HLCS: variants seen among roughly 807,000 people sequenced by gnomAD.
The protein encoded by HLCS is biotin--protein ligase.
Under a neutral mutation model 75.0 loss-of-function variants are expected in HLCS, and 53 were observed. The observed-to-expected ratio is 0.71, with a 90% CI of 0.57 to 0.89. HLCS has a LOEUF of 0.89. HLCS is among the 40% of genes least tolerant of loss of function. The pLI is 0.00. For synonymous variants in HLCS, 431 were observed against 428.6 expected (o/e 1.01, Z -0.07); for missense variants, 966 against 1,074.0 (o/e 0.90, Z 1.41).
At position 36,966,484 on chromosome 21, in the gene HLCS, A is replaced by T. The variant is rs2068591907; in HGVS notation, c.155T>A (p.Leu52Gln). ...AAQPPGARVC[L>Q]SRGGRVFCVS... ...GCAGAAGACGCGGCCGCCACGGCTCAGGCACACGCGGGCGCCCGGGGGCTG... is the reference window on the plus strand; with the variant it reads ...GCAGAAGACGCGGCCGCCACGGCTCTGGCACACGCGGGCGCCCGGGGGCTG... The change falls in exon 1 of 11, where the codon CTG becomes CAG. Residue 52 changes from leucine to glutamine, a missense_variant. Physicochemically the swap from Leu to Gln is moderately radical, Grantham distance 113. Transcript: ENST00000674895. 1 of 959,502 alleles carries T rather than the reference A, an allele frequency of 1.0e-6. No individual in the cohort carries two copies. Among genetic ancestry groups the T allele is most frequent in the Non-Finnish European group, 1.2e-6 (1 of 826,120 alleles). The allele number at this position is 959,502 out of a possible 1,614,324, so 59.4% of individuals were successfully genotyped here. A position where few individuals can be genotyped will look rare whatever the true frequency, so the allele number is the denominator to read the frequency against.
chr21:36,875,707 A>G (rs2063943996), intron 6 of HLCS, among the ~76,000 whole-genome samples: 1 of 152,072 alleles, frequency 6.6e-6, no homozygotes, highest in Admixed American at 6.6e-5. Context: ...TCGCCCTCCA[A>G]TTGTCCACAT....
chr21:36,837,896 T>A (rs1005522328), intron 6 of HLCS, among the ~76,000 whole-genome samples: 2 of 152,152 alleles, frequency 1.3e-5, no homozygotes, highest in Non-Finnish European at 2.9e-5. Flanking sequence ...AAAATACACA[T>A]TGAAAACAAA....
intron 6 of HLCS, among the ~76,000 whole-genome samples, chr21:36,775,079 A>G (rs1234982069): frequency 6.6e-6 from 1 of 152,214 alleles, no homozygotes; most frequent in East Asian, 1.9e-4. Flanking sequence ...GAGCAGAGCC[A>G]TCACAATCCT....
intron 6 of HLCS, among the ~76,000 whole-genome samples, chr21:36,819,260 C>T (rs1012139364): frequency 1.3e-5 from 2 of 152,186 alleles, no homozygotes; most frequent in African/African-American, 4.8e-5. Flanking sequence ...AGTTGATCCT[C>T]AGTGCTAAAC....
rs1569149769 is a variant in HLCS at position 36,888,471 on chromosome 21, TA to T, written c.1892+8388del. Among the ~76,000 whole-genome samples the T allele has an allele frequency of 2.4e-3, 271 of 112,118 alleles. 17 individuals are homozygous for T. The highest frequency in any genetic ancestry group is 4.5e-3 in the African/African-American group (122 of 27,092). 73.6% of individuals were successfully genotyped at this position (112,118 alleles called of 152,430 possible). ...ATATATATATATATATATATATATATATATATATATATATATATATATATAT... is the reference window on the plus strand; with the variant it reads ...ATATATATATATATATATATATATATTATATATATATATATATATATATAT... On this transcript the variant is annotated intron_variant, in intron 6 of 10. Transcript: ENST00000674895.
intron 4 of HLCS, among the ~76,000 whole-genome samples, chr21:36,936,014 CA>C (rs1347599842): frequency 1.4e-4 from 21 of 152,304 alleles, no homozygotes; most frequent in African/African-American, 5.1e-4. Context: ...TATTTCATCG[CA>C]GTGGTCACTG....
chr21:36,904,282 C>T (rs576583502), intron 5 of HLCS, among the ~76,000 whole-genome samples: 13 of 152,128 alleles, frequency 8.5e-5, no homozygotes, highest in Non-Finnish European at 1.3e-4. Context: ...AAGTTGAGAG[C>T]CATATTCTCA....
At chr21:36,805,657 C>T (rs1601329330) in intron 6 of HLCS, among the ~76,000 whole-genome samples, 1 of 152,110 alleles carries the variant, frequency 6.6e-6, no homozygotes, top group Non-Finnish European at 1.5e-5. Flanking sequence ...ATAAGAATGC[C>T]GCTGACTGCC....
intron 1 of HLCS, among the ~76,000 whole-genome samples, chr21:36,989,216 G>A (rs2069290305): frequency 6.6e-6 from 1 of 150,388 alleles, no homozygotes; most frequent in African/African-American, 2.4e-5. Context: ...CGCCATGTTG[G>A]CCAGGCTGGT....
intron 3 of HLCS, among the ~76,000 whole-genome samples, chr21:36,937,616 A>G (rs1393930409): frequency 6.6e-6 from 1 of 152,180 alleles, no homozygotes; most frequent in Non-Finnish European, 1.5e-5. Flanking sequence ...CAGTTTGCCC[A>G]ACATCTTTTA....
intron 6 of HLCS, among the ~76,000 whole-genome samples, chr21:36,810,085 T>C (rs1326179218): frequency 6.6e-6 from 1 of 152,244 alleles, no homozygotes; most frequent in Non-Finnish European, 1.5e-5. Context: ...CTTGTGTGAC[T>C]CTCCATATCT....
At chr21:36,967,129 T>C (rs375958927), upstream of HLCS, among the ~76,000 whole-genome samples, 38 of 152,174 alleles carry the variant, frequency 2.5e-4, no homozygotes, top group African/African-American at 7.0e-4. Flanking sequence ...AGGAGGGGGC[T>C]CTGCCTATGT....
intron 6 of HLCS, among the ~76,000 whole-genome samples, chr21:36,880,353 T>C (rs563152271): frequency 2.6e-5 from 4 of 152,242 alleles, no homozygotes; most frequent in Admixed American, 2.0e-4. Flanking sequence ...GAAACGAAGC[T>C]AGAGAAGGCA....
At chr21:36,881,747 C>G (rs1234522260) in intron 6 of HLCS, among the ~76,000 whole-genome samples, 1 of 152,226 alleles carries the variant, frequency 6.6e-6, no homozygotes, top group African/African-American at 2.4e-5. Context: ...AAGGACACTT[C>G]CAGCTTTGGT....
At position 36,756,748 on chromosome 21, in the gene HLCS, T is replaced by G. The variant is rs1025585997; in HGVS notation, c.2244A>C (p.Gly748=). 1 of 1,614,012 alleles carries G rather than the reference T, an allele frequency of 6.2e-7. No individual in the cohort carries two copies. Among genetic ancestry groups the G allele is most frequent in the Non-Finnish European group, 8.5e-7 (1 of 1,180,018 alleles). ...TAGGGTTACTGTTAGTCACATTAAA[T>G]CCACAGCCTGGACAAAAACAAACAA... ...GETFYILIGC[G]FNVTNSNPTI... Residue 748 remains glycine (G), a synonymous_variant, in exon 10 of 11, where the codon GGA becomes GGC. Coordinates refer to ENST00000674895, the MANE Select transcript of HLCS (RefSeq NM_001352514.2).
chr21:36,919,493 C>T (rs1002041356), intron 5 of HLCS, among the ~76,000 whole-genome samples: 5 of 152,204 alleles, frequency 3.3e-5, no homozygotes, highest in Admixed American at 6.5e-5. Flanking sequence ...CCACTGCATA[C>T]GTGCTCCAGC....
chr21:36,930,930 G>A (rs1752292015), intron 4 of HLCS, among the ~76,000 whole-genome samples: 1 of 152,194 alleles, frequency 6.6e-6, no homozygotes, highest in Non-Finnish European at 1.5e-5. Flanking sequence ...TCCAGGTACT[G>A]ATGTTCCACA....
chr21:36,844,057 G>T (rs143691779), intron 6 of HLCS, among the ~76,000 whole-genome samples: 79 of 152,290 alleles, frequency 5.2e-4, no homozygotes, highest in African/African-American at 1.8e-3. Context: ...CTATGCATGA[G>T]AAATAGTTTC....
chr21:36,907,550 G>A (rs746782790), intron 5 of HLCS, among the ~76,000 whole-genome samples: 19 of 152,272 alleles, frequency 1.2e-4, no homozygotes, highest in Non-Finnish European at 1.9e-4. Flanking sequence ...CAGCTACTTA[G>A]GAGGCTGAGG....
Sources: gnomAD v4.1 joint callset for allele counts (sites outside exome capture counted in the v4.1 genomes callset) on GRCh38, gnomAD v4.1.1 for gene constraint, MANE v1.5 for transcripts, NCBI Gene and HGNC (gene_info 2026-07-23, HGNC 2026-07-21) for gene names.